The following GRID1 variants were observed in gnomAD, a reference collection of about 807,000 sequenced individuals.
GRID1 encodes glutamate ionotropic receptor delta type subunit 1.
In GRID1, 28 loss-of-function variants were observed where a neutral mutation model predicts 98.0. The ratio of observed to expected loss-of-function variants is 0.29; its 90% CI spans 0.21 to 0.39. The LOEUF is 0.39. GRID1 is among the 10% of genes least tolerant of loss of function. GRID1 has a pLI of 1.00. For synonymous variants in GRID1, 553 were observed against 538.5 expected, an observed-to-expected ratio of 1.03 and a Z score of -0.37; for missense variants, 1,111 against 1,340.5, an observed-to-expected ratio of 0.83 and a Z score of 2.67.
At chr10:85,705,570 C>A (rs956595013) in intron 12 of GRID1, among the ~76,000 whole-genome samples, 1 of 152,090 alleles carries the variant, frequency 6.6e-6, no homozygotes, top group African/African-American at 2.4e-5. Flanking sequence ...ACTATTCCAA[C>A]CAATAGAAAA....
intron 5 of GRID1, among the ~76,000 whole-genome samples, chr10:85,913,804 TA>T (rs1292698781): frequency 6.6e-6 from 1 of 151,806 alleles, no homozygotes; most frequent in Non-Finnish European, 1.5e-5. Flanking sequence ...AAATAAAAAA[TA>T]AAGATAAAAA....
At chr10:86,011,585 A>G (rs151032232) in intron 4 of GRID1, among the ~76,000 whole-genome samples, 2 of 152,290 alleles carry the variant, frequency 1.3e-5, no homozygotes, top group East Asian at 3.9e-4. Context: ...CTGAGGCTCG[A>G]TGTATGAACT....
At chr10:86,257,617 A>G (rs1182774241) in intron 2 of GRID1, among the ~76,000 whole-genome samples, 2 of 152,248 alleles carry the variant, frequency 1.3e-5, no homozygotes, top group Non-Finnish European at 2.9e-5. Context: ...GATCCCCTCC[A>G]AACAGTCCAG....
At chr10:85,838,000 A>T (rs1842925657) in intron 8 of GRID1, among the ~76,000 whole-genome samples, 1 of 152,252 alleles carries the variant, frequency 6.6e-6, no homozygotes, top group Non-Finnish European at 1.5e-5. Context: ...AAAACACTAC[A>T]AGAATTTCAT....
At chr10:85,867,417 C>T (rs1161675107) in intron 6 of GRID1, among the ~76,000 whole-genome samples, 1 of 152,184 alleles carries the variant, frequency 6.6e-6, no homozygotes, top group South Asian at 2.1e-4. Flanking sequence ...GGGAGTGAGA[C>T]CCTCACAGGC....
intron 13 of GRID1, among the ~76,000 whole-genome samples, chr10:85,626,962 C>T (rs1842921679): frequency 6.6e-6 from 1 of 152,064 alleles, no homozygotes; most frequent in Non-Finnish European, 1.5e-5. Flanking sequence ...AGGAATTATT[C>T]AATTTTCAAA....
chr10:85,804,132 T>A (rs1842601343), intron 8 of GRID1, among the ~76,000 whole-genome samples: 1 of 151,284 alleles, frequency 6.6e-6, no homozygotes, highest in Admixed American at 6.6e-5. Context: ...AAAACCCTAT[T>A]TAGACTAGTT....
intron 8 of GRID1, among the ~76,000 whole-genome samples, chr10:85,819,943 G>A (rs1842747725): frequency 6.7e-6 from 1 of 149,106 alleles, no homozygotes; most frequent in Admixed American, 6.7e-5. Context: ...GAGAGAGAGG[G>A]AGGGAGGAAG....
At position 85,857,820 on chromosome 10, in the gene GRID1, C is replaced by G. The variant is rs73340507; in HGVS notation, c.952-1630G>C. Among the ~76,000 whole-genome samples, 828 of 152,310 alleles carry G rather than the reference C, an allele frequency of 5.4e-3. 5 individuals carry two copies. Among genetic ancestry groups the G allele is most frequent in the African/African-American group, 0.019 (781 of 41,558 alleles). ...AAAAGAACCCCTCCTCCCCCAGCCTCACCCCTACTCTCCTCAATATGTCCC... is the reference window on the plus strand; with the variant it reads ...AAAAGAACCCCTCCTCCCCCAGCCTGACCCCTACTCTCCTCAATATGTCCC... On this transcript the variant is annotated intron_variant, in intron 6 of 15. Coordinates refer to ENST00000327946, the MANE Select transcript of GRID1 (RefSeq NM_017551.3).
intron 3 of GRID1, among the ~76,000 whole-genome samples, chr10:86,178,617 C>T (rs1277529265): frequency 6.6e-6 from 1 of 152,048 alleles, no homozygotes; most frequent in Non-Finnish European, 1.5e-5. Context: ...TGCATCCACC[C>T]CGGGGCGTTC....
chr10:85,740,642 T>C (rs572883820), intron 8 of GRID1, among the ~76,000 whole-genome samples: 1 of 152,180 alleles, frequency 6.6e-6, no homozygotes, highest in Non-Finnish European at 1.5e-5. Flanking sequence ...TACAAGGTAG[T>C]TATAAGTAGC....
intron 12 of GRID1, among the ~76,000 whole-genome samples, chr10:85,675,098 T>C (rs1186561950): frequency 6.6e-6 from 1 of 152,158 alleles, no homozygotes; most frequent in East Asian, 1.9e-4. Flanking sequence ...AGGAAAACAT[T>C]TCCTCTTAGG....
intron 5 of GRID1, among the ~76,000 whole-genome samples, chr10:85,869,406 C>G (rs111481614): frequency 6.6e-6 from 1 of 152,172 alleles, no homozygotes; most frequent in Admixed American, 6.5e-5. Context: ...TAGAAAAAGA[C>G]GTTTGAGACT....
At chr10:86,149,197 AT>A (rs141954180) in intron 3 of GRID1, among the ~76,000 whole-genome samples, 1 of 152,362 alleles carries the variant, frequency 6.6e-6, no homozygotes, top group Non-Finnish European at 1.5e-5. Context: ...GATAATGGAA[AT>A]TCCAAAGTTG....
At chr10:86,012,448 G>A (rs1361409273) in intron 4 of GRID1, among the ~76,000 whole-genome samples, 1 of 152,154 alleles carries the variant, frequency 6.6e-6, no homozygotes, top group Non-Finnish European at 1.5e-5. Context: ...GAGGTTAATT[G>A]ACCCTGACCC....
At chr10:85,704,899 T>A (rs1247283456) in intron 12 of GRID1, among the ~76,000 whole-genome samples, 1 of 152,118 alleles carries the variant, frequency 6.6e-6, no homozygotes, top group African/African-American at 2.4e-5. Flanking sequence ...AAGGCAGAAA[T>A]AAAGATGTTC....
chr10:85,691,643 C>T (rs1011797304), intron 12 of GRID1, among the ~76,000 whole-genome samples: 36 of 152,250 alleles, frequency 2.4e-4, no homozygotes, highest in African/African-American at 8.7e-4. Flanking sequence ...TTGTGCCTAA[C>T]TCTGCCTTCT....
chr10:86,019,453 T>C (rs1431969921), intron 4 of GRID1, among the ~76,000 whole-genome samples: 1 of 152,220 alleles, frequency 6.6e-6, no homozygotes, highest in African/African-American at 2.4e-5. Flanking sequence ...CTTCGGGGCA[T>C]GGGGCATTTC....
At chr10:85,676,168 G>A (rs1012437487) in intron 12 of GRID1, among the ~76,000 whole-genome samples, 1 of 152,104 alleles carries the variant, frequency 6.6e-6, no homozygotes, top group East Asian at 1.9e-4. Flanking sequence ...GTTTCACCTC[G>A]AATCTTTTTT....
Sources: allele counts gnomAD v4.1 joint callset (sites outside exome capture counted in the v4.1 genomes callset), GRCh38; gene constraint gnomAD v4.1.1; transcripts MANE v1.5; gene names NCBI Gene and HGNC (gene_info 2026-07-23, HGNC 2026-07-21).